The following SGCD variants were observed in gnomAD, a reference collection of about 807,000 sequenced individuals.
SGCD encodes the protein delta-sarcoglycan.
SGCD carries 18 observed loss-of-function variants against 36.6 expected under a neutral mutation model. The observed-to-expected ratio is 0.49, with a 90% CI of 0.34 to 0.73. The LOEUF is 0.73. SGCD is among the 30% of genes least tolerant of loss of function. The pLI is 0.01. For synonymous variants in SGCD, 133 were observed against 130.6 expected (o/e 1.02, Z -0.12); for missense variants, 387 against 346.7 (o/e 1.12, Z -0.92).
At chr5:156,578,542 C>T (rs990334122) in intron 4 of SGCD, among the ~76,000 whole-genome samples, 3 of 152,132 alleles carry the variant, frequency 2.0e-5, no homozygotes, top group African/African-American at 7.2e-5. Context: ...TCCATCTGGT[C>T]CTGGACTTCT....
chr5:156,353,337 A>T (rs1253583202), intron 3 of SGCD, among the ~76,000 whole-genome samples: 1 of 152,256 alleles, frequency 6.6e-6, no homozygotes, highest in East Asian at 1.9e-4. Context: ...TAGTTGATTT[A>T]TTAAGGTAGA....
chr5:156,113,095 G>A (rs1052344460), intron 1 of SGCD, among the ~76,000 whole-genome samples: 1 of 144,514 alleles, frequency 6.9e-6, no homozygotes, highest in East Asian at 1.9e-4. Flanking sequence ...AGAAGATCTT[G>A]TCCCCTCTTC....
At chr5:155,841,438 A>G in the SGCD span, among the ~76,000 whole-genome samples, 58 of 152,308 alleles carry the variant, frequency 3.8e-4, no homozygotes, top group African/African-American at 1.3e-3. Flanking sequence ...GGTGAGAAAT[A>G]ATACCTCATT....
chr5:155,951,741 G>T (rs1475486277), intron 1 of SGCD, among the ~76,000 whole-genome samples: 1 of 152,144 alleles, frequency 6.6e-6, no homozygotes, highest in Non-Finnish European at 1.5e-5. Flanking sequence ...TCTCTGAGGT[G>T]GGGTGGTGCT....
At chr5:156,436,297 C>T (rs998908271) in intron 3 of SGCD, among the ~76,000 whole-genome samples, 1 of 152,222 alleles carries the variant, frequency 6.6e-6, no homozygotes, top group Non-Finnish European at 1.5e-5. Flanking sequence ...GTTGTTCTCT[C>T]AGCTAGCTGA....
chr5:156,413,438 C>G (rs925629143), intron 3 of SGCD, among the ~76,000 whole-genome samples: 1 of 152,204 alleles, frequency 6.6e-6, no homozygotes, highest in Non-Finnish European at 1.5e-5. Context: ...CCCTCCAAAC[C>G]TAGAAGGCCA....
intron 1 of SGCD, among the ~76,000 whole-genome samples, chr5:155,941,715 A>G (rs532190582): frequency 6.6e-5 from 10 of 152,180 alleles, no homozygotes; most frequent in South Asian, 6.2e-4. Flanking sequence ...CATACATTCA[A>G]TGCCTCTATG....
chr5:155,753,402 C>T, the SGCD span, among the ~76,000 whole-genome samples: 1 of 151,800 alleles, frequency 6.6e-6, no homozygotes, highest in Non-Finnish European at 1.5e-5. Context: ...TGTGTGTTAT[C>T]AAAGTACCTG....
chr5:156,420,727 T>C (rs1773263778), intron 3 of SGCD, among the ~76,000 whole-genome samples: 1 of 152,158 alleles, frequency 6.6e-6, no homozygotes, highest in Admixed American at 6.6e-5. Context: ...GTGTAATTGC[T>C]AAGACAATTA....
chr5:156,026,798 G>A (rs1581049304), intron 1 of SGCD, among the ~76,000 whole-genome samples: 1 of 152,248 alleles, frequency 6.6e-6, no homozygotes, highest in Non-Finnish European at 1.5e-5. Context: ...GGAAAAATCT[G>A]ACTGATGGCT....
intron 1 of SGCD, among the ~76,000 whole-genome samples, chr5:155,914,805 A>C (rs1017014116): frequency 5.9e-5 from 9 of 152,266 alleles, no homozygotes; most frequent in Non-Finnish European, 1.3e-4. Context: ...TATACTGTTA[A>C]TGCTATTACC....
chr5:156,455,815 G>A (rs1039922043), intron 3 of SGCD, among the ~76,000 whole-genome samples: 2 of 152,172 alleles, frequency 1.3e-5, no homozygotes, highest in Non-Finnish European at 2.9e-5. Context: ...AAGATGAGAT[G>A]GGCCCTAATC....
At chr5:155,737,814 G>T in the SGCD span, among the ~76,000 whole-genome samples, 1 of 152,106 alleles carries the variant, frequency 6.6e-6, no homozygotes. Flanking sequence ...CTTTGACTTT[G>T]ACCTCCATTC....
chr5:156,491,578 A>C (rs1338968289), intron 3 of SGCD, among the ~76,000 whole-genome samples: 1 of 152,210 alleles, frequency 6.6e-6, no homozygotes, highest in African/African-American at 2.4e-5. Flanking sequence ...TGTGCACTCC[A>C]TAAATAAGTA....
chr5:156,143,695 C>G (rs1762630105), intron 3 of SGCD, among the ~76,000 whole-genome samples: 1 of 152,082 alleles, frequency 6.6e-6, no homozygotes, highest in South Asian at 2.1e-4. Context: ...GGGTTTTGGA[C>G]TTGCATACGG....
the SGCD span, among the ~76,000 whole-genome samples, chr5:155,839,231 C>T: frequency 1.3e-5 from 2 of 152,046 alleles, no homozygotes; most frequent in African/African-American, 2.4e-5. Flanking sequence ...CTGCACCTGG[C>T]GAGAAAAGGT....
chr5:155,853,494 C>A, the SGCD span, among the ~76,000 whole-genome samples: 15 of 152,112 alleles, frequency 9.9e-5, no homozygotes, highest in Non-Finnish European at 1.5e-5. Flanking sequence ...TGCCTCTTTA[C>A]CTTTCAATAG....
At chr5:156,641,217 C>A (rs1263049784) in intron 6 of SGCD, among the ~76,000 whole-genome samples, 1 of 152,192 alleles carries the variant, frequency 6.6e-6, no homozygotes, top group Admixed American at 6.5e-5. Flanking sequence ...CACTCTTCTA[C>A]AACTAACATA....
chr5:156,356,522 T>C (rs1463354338), intron 3 of SGCD, among the ~76,000 whole-genome samples: 1 of 152,172 alleles, frequency 6.6e-6, no homozygotes, highest in African/African-American at 2.4e-5. Context: ...AGAAGTCAGA[T>C]TGCATCACTT....
Sources: gnomAD v4.1 joint callset for allele counts (sites outside exome capture counted in the v4.1 genomes callset) on GRCh38, gnomAD v4.1.1 for gene constraint, MANE v1.5 for transcripts, NCBI Gene and HGNC (gene_info 2026-07-23, HGNC 2026-07-21) for gene names.